PLXNA2: variants seen among roughly 807,000 people sequenced by gnomAD.
The protein encoded by PLXNA2 is plexin A2, also known as plexin-A2.
PLXNA2 carries 91 observed loss-of-function variants against 193.5 expected under a neutral mutation model. The observed-to-expected ratio is 0.47, with a 90% CI of 0.40 to 0.56. The LOEUF is 0.56. PLXNA2 is among the 20% of genes least tolerant of loss of function. The pLI is 0.00. For missense variants in PLXNA2, 1,995 were observed against 2,503.2 expected, an observed-to-expected ratio of 0.80 and a Z score of 4.33; for synonymous variants, 997 against 1,027.3, an observed-to-expected ratio of 0.97 and a Z score of 0.56.
intron 3 of PLXNA2, among the ~76,000 whole-genome samples, chr1:208,163,300 A>C (rs1669192064): frequency 6.6e-6 from 1 of 152,204 alleles, no homozygotes; most frequent in African/African-American, 2.4e-5. Flanking sequence ...ATGATATAAA[A>C]AATGTGAAAG....
Position 208,111,601 on chromosome 1 carries a change from A to G in PLXNA2, c.1507-8354T>C, listed in dbSNP as rs562658559. On this transcript the variant is annotated intron_variant, in intron 4 of 31. Transcript: ENST00000367033. ...CATCTCCTTATTTTGAGATAAAGAC[A>G]ATATCTGTCCCACCTATCTCTGGGG... Among the ~76,000 whole-genome samples, 171 of 152,230 alleles carry G rather than the reference A, an allele frequency of 1.1e-3. 1 individual carries two copies. The highest frequency in any genetic ancestry group is 1.3e-4 in the Non-Finnish European group (9 of 68,026).
In PLXNA2 at chr1:208,236,295, C is replaced by T. The variant is rs1429660477; in HGVS notation, c.-81+7348G>A. Among the ~76,000 whole-genome samples the T allele has an allele frequency of 6.6e-6, 1 of 152,172 alleles. No homozygotes were observed. The highest frequency in any genetic ancestry group is 1.5e-5 in the Non-Finnish European group (1 of 68,024). On this transcript the variant is annotated intron_variant, in intron 1 of 31. Transcript: ENST00000367033. This position sits in a 1 kb window ranked among gnomAD's most constrained non-coding sequence, Gnocchi z 4.4. Reference sequence around the variant, plus strand: ...GAGAAAAAAATGGGAAACCGGGGAGCAGTCAGGGGAGGTGGGAGGTCAGAG... The same window carrying T: ...GAGAAAAAAATGGGAAACCGGGGAGTAGTCAGGGGAGGTGGGAGGTCAGAG...
At chr1:208,068,498 T>C (rs1214897361) in intron 12 of PLXNA2, among the ~76,000 whole-genome samples, 1 of 152,218 alleles carries the variant, frequency 6.6e-6, no homozygotes, top group Non-Finnish European at 1.5e-5. Flanking sequence ...CTGCAGTCCT[T>C]CCAGCCTTTT....
chr1:208,199,764 G>T (rs1286004007), intron 3 of PLXNA2, among the ~76,000 whole-genome samples: 2 of 152,164 alleles, frequency 1.3e-5, no homozygotes, highest in African/African-American at 4.8e-5. Context: ...CAAAAACCTG[G>T]GTTCCAGTCT....
intron 4 of PLXNA2, among the ~76,000 whole-genome samples, chr1:208,137,223 T>G (rs1334237320): frequency 6.6e-6 from 1 of 152,178 alleles, no homozygotes; most frequent in African/African-American, 2.4e-5. Context: ...ACGGAGCCAT[T>G]CTCCACTGTG....
intron 9 of PLXNA2, among the ~76,000 whole-genome samples, chr1:208,086,654 G>A (rs1482831256): frequency 6.6e-6 from 1 of 151,848 alleles, no homozygotes; most frequent in Non-Finnish European, 1.5e-5. Flanking sequence ...AGAATCACAA[G>A]GCAACCCCAG....
chr1:208,144,655 G>A (rs1668554175), intron 3 of PLXNA2, among the ~76,000 whole-genome samples: 1 of 152,124 alleles, frequency 6.6e-6, no homozygotes, highest in South Asian at 2.1e-4. Context: ...ACTTAAGGAG[G>A]TAACCTCAAT....
intron 4 of PLXNA2, among the ~76,000 whole-genome samples, chr1:208,124,603 C>T (rs534020046): frequency 8.1e-5 from 12 of 147,834 alleles, no homozygotes; most frequent in Non-Finnish European, 1.0e-4. Context: ...CCCTTGAACC[C>T]GGTAGGCAGA....
intron 3 of PLXNA2, among the ~76,000 whole-genome samples, chr1:208,175,391 G>A (rs780713446): frequency 6.6e-6 from 1 of 152,162 alleles, no homozygotes; most frequent in Non-Finnish European, 1.5e-5. Context: ...TCCTTTCCAG[G>A]GGAGGTCTCT....
intron 11 of PLXNA2, among the ~76,000 whole-genome samples, chr1:208,080,316 C>T (rs953652480): frequency 6.6e-6 from 1 of 151,968 alleles, no homozygotes; most frequent in Non-Finnish European, 1.5e-5. Context: ...GTGTGCAAAC[C>T]CTTTGTCTTT....
intron 1 of PLXNA2, among the ~76,000 whole-genome samples, chr1:208,232,230 T>C (rs1436940599): frequency 2.6e-5 from 4 of 152,204 alleles, no homozygotes; most frequent in Non-Finnish European, 2.9e-5. Context: ...GAGACCACTG[T>C]GCCAGTCTCC....
chr1:208,107,692 T>G (rs1667316686), intron 4 of PLXNA2, among the ~76,000 whole-genome samples: 1 of 152,186 alleles, frequency 6.6e-6, no homozygotes, highest in Non-Finnish European at 1.5e-5. Context: ...CGGGACACTC[T>G]ATGACACTTT....
In PLXNA2 at chr1:208,026,694, A is replaced by G. The variant is rs1299018650; in HGVS notation, c.*549T>C. On this transcript the variant is annotated 3_prime_UTR_variant, in exon 32 of 32. Coordinates refer to ENST00000367033, the MANE Select transcript of PLXNA2 (RefSeq NM_025179.4). ...TAATTTCAAGGAAAAGGAGACAGTCATTTTCTCTCCAATGTCTCTCAGCAT... is the reference window on the plus strand; with the variant it reads ...TAATTTCAAGGAAAAGGAGACAGTCGTTTTCTCTCCAATGTCTCTCAGCAT... The G allele has an allele frequency of 7.3e-6, 1 of 137,686 alleles. No homozygotes were observed. The allele number at this position is 137,686 out of a possible 1,614,324, so 8.5% of individuals were successfully genotyped here. A position where few individuals can be genotyped will look rare whatever the true frequency, so the allele number is the denominator to read the frequency against.
intron 4 of PLXNA2, among the ~76,000 whole-genome samples, chr1:208,107,120 G>C (rs1667294056): frequency 6.6e-6 from 1 of 152,212 alleles, no homozygotes; most frequent in Admixed American, 6.5e-5. Flanking sequence ...CCCTCAAGGA[G>C]CAATGGCCCT....
chr1:208,081,048 C>A (rs915210350), intron 11 of PLXNA2, among the ~76,000 whole-genome samples: 1 of 152,208 alleles, frequency 6.6e-6, no homozygotes, highest in Non-Finnish European at 1.5e-5. Context: ...ACTCTCAGAG[C>A]TTCTTCAACA....
intron 18 of PLXNA2, among the ~76,000 whole-genome samples, chr1:208,045,505 T>A (rs1206052216): frequency 6.6e-6 from 1 of 151,958 alleles, no homozygotes; most frequent in Non-Finnish European, 1.5e-5. Context: ...ACGAAAGTAG[T>A]GGGGCAACAA....
At chr1:208,121,001 A>G (rs1667791705) in intron 4 of PLXNA2, among the ~76,000 whole-genome samples, 1 of 152,212 alleles carries the variant, frequency 6.6e-6, no homozygotes, top group Non-Finnish European at 1.5e-5. Flanking sequence ...AGGACACAAT[A>G]TGGGATGTCA....
chr1:208,038,730 A>G lies in PLXNA2; in HGVS notation c.4660+95T>C. 1 of 1,332,482 alleles carries G rather than the reference A, an allele frequency of 7.5e-7. No homozygotes were observed. 82.5% of individuals were successfully genotyped at this position (1,332,482 alleles called of 1,614,324 possible). On this transcript the variant is annotated intron_variant, in intron 25 of 31. Transcript: ENST00000367033. This position sits in a 1 kb window ranked among gnomAD's most constrained non-coding sequence, Gnocchi z 4.1. ...TTCACACGGGCCTCAGCTGGCCAGG[A>G]CACAGTCATGCCCCTGCAAGGGTTG...
rs542769447 is a variant in PLXNA2 at position 208,142,184 on chromosome 1, C to T, written c.1506+145G>A. 4.3e-5 allele frequency: 37 copies of T among 851,900 alleles called. No homozygotes were observed. The African/African-American group carries it at 5.8e-4, about 13-fold the overall frequency. The allele number at this position is 851,900 out of a possible 1,614,324, so 52.8% of individuals were successfully genotyped here. A position where few individuals can be genotyped will look rare whatever the true frequency, so the allele number is the denominator to read the frequency against. Reference sequence around the variant, plus strand: ...GCTTCTCTCTAGCTCCCTGCAAAAGCCTACAGGCACTCTGCCTCTCTCAAG... The same window carrying T: ...GCTTCTCTCTAGCTCCCTGCAAAAGTCTACAGGCACTCTGCCTCTCTCAAG... On this transcript the variant is annotated intron_variant, in intron 4 of 31. Coordinates refer to ENST00000367033, the MANE Select transcript of PLXNA2 (RefSeq NM_025179.4).
Sources: allele counts gnomAD v4.1 joint callset (sites outside exome capture counted in the v4.1 genomes callset), GRCh38; gene constraint gnomAD v4.1.1; non-coding constraint Gnocchi (gnomAD v3.1); transcripts MANE v1.5; gene names NCBI Gene and HGNC (gene_info 2026-07-23, HGNC 2026-07-21).